Variants in CTNNA3 observed in about 807,000 individuals in gnomAD.
The protein encoded by CTNNA3 is catenin alpha 3.
Under a neutral mutation model 95.7 loss-of-function variants are expected in CTNNA3, and 76 were observed. The ratio of observed to expected loss-of-function variants is 0.79; its 90% CI spans 0.66 to 0.96. The LOEUF (loss-of-function observed/expected upper bound fraction) is 0.96, where lower values mean the gene tolerates loss of function less well. Ranked by LOEUF, CTNNA3 falls within the 40% of genes least tolerant of loss-of-function variation. The pLI, the probability that CTNNA3 is intolerant of heterozygous loss-of-function variation, is 0.00. For synonymous variants in CTNNA3, 431 were observed against 374.4 expected (o/e 1.15, Z -1.74); for missense variants, 1,191 against 1,089.8 (o/e 1.09, Z -1.31).
At chr10:66,965,187 A>G (rs894532698) in intron 7 of CTNNA3, among the ~76,000 whole-genome samples, 8 of 152,086 alleles carry the variant, frequency 5.3e-5, no homozygotes, top group African/African-American at 1.9e-4. Context: ...GGATTTAGGT[A>G]CTAGTCTCCT....
At chr10:67,094,755 T>C (rs575149904) in intron 7 of CTNNA3, among the ~76,000 whole-genome samples, 1 of 151,844 alleles carries the variant, frequency 6.6e-6, no homozygotes, top group East Asian at 1.9e-4. Flanking sequence ...AATAAAATTG[T>C]CAGTGCAAAA....
chr10:66,001,690 C>A (rs1655937811), intron 15 of CTNNA3, among the ~76,000 whole-genome samples: 1 of 151,974 alleles, frequency 6.6e-6, no homozygotes, highest in Non-Finnish European at 1.5e-5. Flanking sequence ...TTTCCTTCTC[C>A]TTTTACAAAT....
Position 67,118,916 on chromosome 10 carries a change from G to A in CTNNA3, c.1047+61401C>T, listed in dbSNP as rs114972603. 4.5e-3 allele frequency among the ~76,000 whole-genome samples: 680 copies of A among 151,796 alleles called. 5 individuals are homozygous for A. Among genetic ancestry groups the A allele is most frequent in the African/African-American group, 0.015 (639 of 41,462 alleles). On this transcript the variant is annotated intron_variant, in intron 7 of 17. Coordinates refer to ENST00000433211, the MANE Select transcript of CTNNA3 (RefSeq NM_013266.4). The stretch of plus-strand genomic sequence containing the variant: ...ATTTTTAACCAAAGCATCATTTTCC[G>A]CTGCCATTTATCTTTTGTACCAGAG...
intron 2 of CTNNA3, among the ~76,000 whole-genome samples, chr10:67,620,349 C>G (rs923561698): frequency 1.3e-5 from 2 of 152,180 alleles, no homozygotes; most frequent in Non-Finnish European, 2.9e-5. Flanking sequence ...TCGGCAGGCA[C>G]TAAGTGTCCA....
rs565645126 is a variant in CTNNA3, at chr10:66,968,541, C to T, written c.1048-193017G>A. ...ATATCTAAAAAAACGTGGTTAGAAG[C>T]GATTGGATTCAGGAGTTTCTGCAAA... On this transcript the variant is annotated intron_variant, in intron 7 of 17. Coordinates refer to ENST00000433211, the MANE Select transcript of CTNNA3 (RefSeq NM_013266.4). Among the ~76,000 whole-genome samples, 13 of 151,770 alleles carry T rather than the reference C, an allele frequency of 8.6e-5. No homozygotes were observed. The South Asian group carries it at 2.3e-3, about 27-fold the overall frequency.
chr10:67,117,111 T>A (rs73258467), intron 7 of CTNNA3, among the ~76,000 whole-genome samples: 3,284 of 152,112 alleles, frequency 0.022, 120 homozygotes, highest in African/African-American at 0.075. Context: ...CAGGCTGCCA[T>A]GAATTGAACA....
At chr10:66,689,439 T>C (rs868007874) in intron 9 of CTNNA3, among the ~76,000 whole-genome samples, 4 of 152,220 alleles carry the variant, frequency 2.6e-5, no homozygotes, top group South Asian at 2.1e-4. Context: ...TATTTTACCA[T>C]GTCATAATCA....
intron 11 of CTNNA3, among the ~76,000 whole-genome samples, chr10:66,439,618 C>T (rs1040849537): frequency 1.6e-4 from 24 of 152,032 alleles, no homozygotes; most frequent in African/African-American, 5.3e-4. Context: ...GTATGTTACA[C>T]ATTAGATATA....
At chr10:66,314,161 C>G (rs1266070404) in intron 12 of CTNNA3, among the ~76,000 whole-genome samples, 1 of 152,046 alleles carries the variant, frequency 6.6e-6, no homozygotes, top group African/African-American at 2.4e-5. Context: ...CATGTTCTTC[C>G]CCGGGAGCTG....
intron 5 of CTNNA3, among the ~76,000 whole-genome samples, chr10:67,323,285 C>T (rs1410808745): frequency 6.6e-6 from 1 of 152,148 alleles, no homozygotes; most frequent in Non-Finnish European, 1.5e-5. Flanking sequence ...GTCATTAAAT[C>T]ATTGCCCATG....
intron 5 of CTNNA3, among the ~76,000 whole-genome samples, chr10:67,430,802 G>C (rs1212733732): frequency 8.1e-6 from 1 of 122,964 alleles, no homozygotes; most frequent in African/African-American, 2.8e-5. Flanking sequence ...TAATGAATGA[G>C]CATGACTCAA....
chr10:65,922,270 T>C (rs779948382), intron 17 of CTNNA3, among the ~76,000 whole-genome samples: 1 of 152,220 alleles, frequency 6.6e-6, no homozygotes, highest in Non-Finnish European at 1.5e-5. Context: ...AACTCTGCTT[T>C]TAAGAAGCTT....
intron 3 of CTNNA3, among the ~76,000 whole-genome samples, chr10:67,558,753 T>C (rs1463514583): frequency 1.3e-5 from 2 of 152,192 alleles, no homozygotes; most frequent in African/African-American, 2.4e-5. Flanking sequence ...GGGTGACAGA[T>C]GGCACCTGGA....
At chr10:65,991,779 T>C (rs2078551392) in intron 15 of CTNNA3, among the ~76,000 whole-genome samples, 1 of 152,062 alleles carries the variant, frequency 6.6e-6, no homozygotes, top group Non-Finnish European at 1.5e-5. Context: ...CCTTCAGTAC[T>C]AGAATCCTGA....
intron 10 of CTNNA3, among the ~76,000 whole-genome samples, chr10:66,615,417 T>C (rs1342439858): frequency 6.6e-6 from 1 of 151,976 alleles, no homozygotes; most frequent in Non-Finnish European, 1.5e-5. Flanking sequence ...TTAGTACTTT[T>C]AACTTTCTGG....
chr10:66,253,745 G>A (rs1433855603), intron 13 of CTNNA3, among the ~76,000 whole-genome samples: 1 of 152,030 alleles, frequency 6.6e-6, no homozygotes, highest in African/African-American at 2.4e-5. Flanking sequence ...TGTTTCTTTT[G>A]CTTTTTGGAT....
intron 9 of CTNNA3, among the ~76,000 whole-genome samples, chr10:66,635,513 G>C (rs985977041): frequency 2.6e-5 from 4 of 152,114 alleles, no homozygotes; most frequent in Non-Finnish European, 5.9e-5. Flanking sequence ...TTTTCTTAAA[G>C]AGAGATACAA....
At chr10:66,222,777 A>G (rs367966143) in intron 13 of CTNNA3, among the ~76,000 whole-genome samples, 1 of 152,066 alleles carries the variant, frequency 6.6e-6, no homozygotes, top group Non-Finnish European at 1.5e-5. Context: ...AGAGAAAAGG[A>G]AAGAAAAGTA....
At chr10:67,217,986 G>T (rs928017577) in intron 6 of CTNNA3, among the ~76,000 whole-genome samples, 11 of 152,020 alleles carry the variant, frequency 7.2e-5, no homozygotes, top group African/African-American at 2.7e-4. Flanking sequence ...TTAAAATGTT[G>T]TATAAAATTA....
Sources: allele counts gnomAD v4.1 joint callset (sites outside exome capture counted in the v4.1 genomes callset), GRCh38; gene constraint gnomAD v4.1.1; transcripts MANE v1.5; gene names NCBI Gene and HGNC (gene_info 2026-07-23, HGNC 2026-07-21).